ZNF69: variants seen among roughly 807,000 people sequenced by gnomAD.
ZNF69 encodes zinc finger protein 69.
In ZNF69, 47 loss-of-function variants were observed where a neutral mutation model predicts 50.9. The observed-to-expected ratio is 0.92, with a 90% CI of 0.73 to 1.18. The LOEUF (loss-of-function observed/expected upper bound fraction) is 1.18, where lower values mean the gene tolerates loss of function less well. ZNF69 is among the 50% of genes most tolerant of loss of function. The probability of loss-of-function intolerance (pLI) is 0.00; values close to 1 mark genes in which losing one functional copy is unlikely to be tolerated. For missense variants in ZNF69, 717 were observed against 675.1 expected (o/e 1.06, Z -0.69); for synonymous variants, 216 against 223.1 (o/e 0.97, Z 0.29).
downstream of ZNF69, among the ~76,000 whole-genome samples, chr19:11,910,958 A>G (rs1395004514): frequency 6.6e-6 from 1 of 152,190 alleles, no homozygotes; most frequent in African/African-American, 2.4e-5. Context: ...TCTACAAAGA[A>G]CTTAAACAAA....
At chr19:11,921,727 T>C in the ZNF69 span, among the ~76,000 whole-genome samples, 1 of 152,132 alleles carries the variant, frequency 6.6e-6, no homozygotes, top group African/African-American at 2.4e-5. Context: ...AGTCTTGAAC[T>C]CCTGACCTCA....
the ZNF69 span, among the ~76,000 whole-genome samples, chr19:11,966,105 G>T: frequency 1.3e-5 from 2 of 152,144 alleles, no homozygotes; most frequent in African/African-American, 4.8e-5. Flanking sequence ...GAATTCCAAG[G>T]CATGACTTAC....
chr19:11,976,232 A>G, the ZNF69 span, among the ~76,000 whole-genome samples: 11 of 151,378 alleles, frequency 7.3e-5, no homozygotes, highest in African/African-American at 2.7e-4. Flanking sequence ...TTTTTTCTGC[A>G]TATTAATTCA....
chr19:11,940,842 T>G, the ZNF69 span, among the ~76,000 whole-genome samples: 1 of 152,050 alleles, frequency 6.6e-6, no homozygotes, highest in Non-Finnish European at 1.5e-5. Flanking sequence ...CCCCCCAGAT[T>G]AGCTAGATAC....
the ZNF69 span, among the ~76,000 whole-genome samples, chr19:11,930,674 ATACCTGGTTTG>A: frequency 1.7e-4 from 25 of 148,114 alleles, 2 homozygotes; most frequent in Non-Finnish European, 2.8e-4. Context: ...TTGGCTGACA[ATACCTGGTTTG>A]TCATAGTTTC....
chr19:11,896,983 G>A (rs1041692019), intron 1 of ZNF69, among the ~76,000 whole-genome samples: 1 of 152,056 alleles, frequency 6.6e-6, no homozygotes, highest in African/African-American at 2.4e-5. Flanking sequence ...GTTTTTCAGT[G>A]TAGACTTTTT....
At chr19:11,917,856 C>T (rs908614717), downstream of ZNF69, among the ~76,000 whole-genome samples, 2 of 143,296 alleles carry the variant, frequency 1.4e-5, no homozygotes, top group Admixed American at 7.3e-5. Flanking sequence ...GGCAGGATCT[C>T]GGCTCACTGC....
chr19:11,929,351 A>G, the ZNF69 span, among the ~76,000 whole-genome samples: 4 of 148,120 alleles, frequency 2.7e-5, no homozygotes, highest in East Asian at 7.8e-4. Context: ...TTTAGTAAAG[A>G]CAGGGTTTTA....
chr19:11,946,884 CAGCT>C, the ZNF69 span: 2 of 349,914 alleles, frequency 5.7e-6, no homozygotes, highest in Non-Finnish European at 9.8e-6. Flanking sequence ...CCTATAATCC[CAGCT>C]ACTCGGGAGG....
At chr19:11,948,659 A>G in the ZNF69 span, 1 of 1,611,682 alleles carries the variant, frequency 6.2e-7, no homozygotes, top group Non-Finnish European at 8.5e-7. Context: ...ATTCGAAGAC[A>G]CATGGTAATG....
In ZNF69 at chr19:11,906,148, A is replaced by G; in HGVS notation, c.*50A>G. 6.3e-7 allele frequency: 1 copy of G among 1,585,460 alleles called. No individual in the cohort carries two copies. Among genetic ancestry groups the G allele is most frequent in the East Asian group, 2.2e-5 (1 of 44,824 alleles). On this transcript the variant is annotated 3_prime_UTR_variant, in exon 4 of 4. Coordinates refer to ENST00000429654, the MANE Select transcript of ZNF69 (RefSeq NM_001364730.1). ...CACCTTTGAATGCATGGTAGGACAC[A>G]CAATCAAGAGAAACCATGAATGTAA... is the stretch of plus-strand genomic sequence containing the variant.
the ZNF69 span, among the ~76,000 whole-genome samples, chr19:11,967,499 G>A: frequency 1.3e-5 from 2 of 152,048 alleles, no homozygotes; most frequent in Non-Finnish European, 2.9e-5. Context: ...CCACCTCCCG[G>A]GTTCACGCCA....
the ZNF69 span, among the ~76,000 whole-genome samples, chr19:11,945,977 G>A: frequency 6.6e-6 from 1 of 152,078 alleles, no homozygotes; most frequent in Non-Finnish European, 1.5e-5. Flanking sequence ...TTGGATAAGG[G>A]GGTGACCGGG....
chr19:11,894,250 A>C (rs1316773555), intron 1 of ZNF69, among the ~76,000 whole-genome samples: 1 of 152,112 alleles, frequency 6.6e-6, no homozygotes, highest in Non-Finnish European at 1.5e-5. Flanking sequence ...GCTCACTGCA[A>C]GCTCCGCCTC....
At chr19:11,932,531 G>A in the ZNF69 span, among the ~76,000 whole-genome samples, 1 of 147,916 alleles carries the variant, frequency 6.8e-6, no homozygotes, top group South Asian at 2.1e-4. Flanking sequence ...AGTCAGTACT[G>A]TGAACGATAA....
At chr19:11,955,370 C>T in the ZNF69 span, among the ~76,000 whole-genome samples, 2 of 149,946 alleles carry the variant, frequency 1.3e-5, no homozygotes, top group East Asian at 3.9e-4. Flanking sequence ...TATCCTTTTT[C>T]GTGGATGATT....
downstream of ZNF69, among the ~76,000 whole-genome samples, chr19:11,917,789 C>T (rs1345281577): frequency 1.8e-5 from 2 of 110,722 alleles, no homozygotes; most frequent in African/African-American, 3.9e-5. Context: ...CCACACCCTG[C>T]TTTTTTTTTT....
At chr19:11,967,298 C>T in the ZNF69 span, among the ~76,000 whole-genome samples, 1 of 152,170 alleles carries the variant, frequency 6.6e-6, no homozygotes, top group African/African-American at 2.4e-5. Context: ...GGACTCGCCA[C>T]TGCACTCCAG....
downstream of ZNF69, among the ~76,000 whole-genome samples, chr19:11,916,626 AG>A (rs1185516770): frequency 6.6e-6 from 1 of 152,196 alleles, no homozygotes; most frequent in African/African-American, 2.4e-5. Context: ...AAAAGAAAAA[AG>A]TTCAGGGACC....
Sources: allele counts gnomAD v4.1 joint callset (sites outside exome capture counted in the v4.1 genomes callset), GRCh38; gene constraint gnomAD v4.1.1; transcripts MANE v1.5; gene names NCBI Gene and HGNC (gene_info 2026-07-23, HGNC 2026-07-21).